The following TMCO5A variants were observed in gnomAD, a reference collection of about 807,000 sequenced individuals.
TMCO5A encodes the protein transmembrane and coiled-coil domains 5A, also known as transmembrane and coiled-coil domain-containing protein 5A.
In TMCO5A, 34 loss-of-function variants were observed where a neutral mutation model predicts 42.3. The ratio of observed to expected loss-of-function variants is 0.80; its 90% confidence interval spans 0.61 to 1.07. The LOEUF (loss-of-function observed/expected upper bound fraction) is 1.07. TMCO5A is among the 50% of genes least tolerant of loss of function. The pLI is 0.00. For synonymous variants in TMCO5A, 131 were observed against 115.6 expected, an observed-to-expected ratio of 1.13 and a Z score of -0.86; for missense variants, 357 against 327.9, an observed-to-expected ratio of 1.09 and a Z score of -0.69.
At chr15:38,026,800 G>A in the TMCO5A span, among the ~76,000 whole-genome samples, 2 of 152,224 alleles carry the variant, frequency 1.3e-5, no homozygotes, top group Admixed American at 6.5e-5. Flanking sequence ...CATCCCAGCT[G>A]CTCCAGCCAT....
At chr15:37,948,013 A>G (rs997748733) in intron 11 of TMCO5A, among the ~76,000 whole-genome samples, 9 of 152,128 alleles carry the variant, frequency 5.9e-5, no homozygotes, top group African/African-American at 1.7e-4. Context: ...CCCTTTAACA[A>G]TTTGGATTAG....
chr15:37,941,282 G>A, intron 7 of TMCO5A, 77 bp downstream of exon 7: 2 of 1,426,586 alleles, frequency 1.4e-6, no homozygotes, highest in Non-Finnish European at 2.0e-6. Flanking sequence ...TATTTCTCAA[G>A]TGATTGATTT....
Position 37,943,338 on chromosome 15 carries a change from T to G in TMCO5A, c.570-3T>G, listed in dbSNP as rs768426821. The G allele has an allele frequency of 9.9e-6, 16 of 1,612,020 alleles. No individual in the cohort carries two copies. Among genetic ancestry groups the G allele is most frequent in the Non-Finnish European group, 1.4e-5 (16 of 1,179,002 alleles). ...ATTTCTGTCCTGGCTGTTATCTTCA[T>G]AGATCAAAACTCGTGAGCATGAACC... is the stretch of plus-strand genomic sequence containing the variant. On this transcript the variant is annotated splice_region_variant and splice_polypyrimidine_tract_variant and intron_variant, in intron 9 of 11. Transcript: ENST00000319669.
At chr15:37,945,389 C>G (rs1303577729) in intron 10 of TMCO5A, among the ~76,000 whole-genome samples, 5 of 151,894 alleles carry the variant, frequency 3.3e-5, no homozygotes, top group Non-Finnish European at 5.9e-5. Context: ...GGGTATATAC[C>G]CAGTAATGAC....
intron 11 of TMCO5A, among the ~76,000 whole-genome samples, chr15:37,958,774 T>C (rs755539393): frequency 1.3e-5 from 2 of 152,138 alleles, no homozygotes; most frequent in Non-Finnish European, 2.9e-5. Flanking sequence ...ACTGGGTATA[T>C]ACCCAATGGA....
the TMCO5A span, among the ~76,000 whole-genome samples, chr15:38,018,252 T>A: frequency 6.6e-6 from 1 of 152,004 alleles, no homozygotes; most frequent in African/African-American, 2.4e-5. Context: ...GTCAACAGGC[T>A]AAGAGAAGGG....
downstream of TMCO5A, among the ~76,000 whole-genome samples, chr15:37,955,492 C>T (rs1890263966): frequency 6.6e-6 from 1 of 151,934 alleles, no homozygotes; most frequent in Non-Finnish European, 1.5e-5. Flanking sequence ...TCAAAAGAGA[C>T]AAAGAAGGGC....
chr15:37,951,249 T>A lies in TMCO5A; in HGVS notation c.*15T>A, dbSNP rs1890148891. The A allele has an allele frequency of 1.9e-6, 3 of 1,611,236 alleles. No homozygotes were observed. Among genetic ancestry groups the A allele is most frequent in the Non-Finnish European group, 2.5e-6 (3 of 1,178,174 alleles). ...TACCCCACTGATTCCCTAAGAAATA[T>A]CCTTGAGCAATAGAAGGGAAGTGGG... On this transcript the variant is annotated 3_prime_UTR_variant, in exon 12 of 12. Coordinates refer to ENST00000319669, the MANE Select transcript of TMCO5A (RefSeq NM_152453.4).
chr15:37,999,723 G>A, the TMCO5A span, among the ~76,000 whole-genome samples: 1 of 151,942 alleles, frequency 6.6e-6, no homozygotes, highest in Non-Finnish European at 1.5e-5. Flanking sequence ...TTTTTTAAGG[G>A]TTTTTTTCAT....
the TMCO5A span, among the ~76,000 whole-genome samples, chr15:38,037,444 A>C: frequency 6.6e-6 from 1 of 152,198 alleles, no homozygotes; most frequent in Non-Finnish European, 1.5e-5. Context: ...AAGCATTTGG[A>C]ATTATGATTG....
intron 11 of TMCO5A, among the ~76,000 whole-genome samples, chr15:37,947,987 T>A (rs887748106): frequency 3.3e-5 from 5 of 152,144 alleles, no homozygotes; most frequent in African/African-American, 1.2e-4. Context: ...GGCAGATCTC[T>A]TATTTACTGC....
At chr15:37,944,721 C>T (rs1000430331) in intron 10 of TMCO5A, among the ~76,000 whole-genome samples, 4 of 152,176 alleles carry the variant, frequency 2.6e-5, no homozygotes, top group African/African-American at 9.6e-5. Context: ...AGGCACCCAC[C>T]ACCATGCCTG....
the TMCO5A span, among the ~76,000 whole-genome samples, chr15:38,029,404 CA>C: frequency 6.8e-6 from 1 of 148,142 alleles, no homozygotes. Flanking sequence ...CACACACACA[CA>C]CTGTGTTTGA....
the TMCO5A span, among the ~76,000 whole-genome samples, chr15:38,024,175 CCTT>C: frequency 6.6e-6 from 1 of 152,288 alleles, no homozygotes; most frequent in African/African-American, 2.4e-5. Flanking sequence ...CCTTTCCACT[CCTT>C]CTACTGCCAC....
At chr15:37,938,347 G>T (rs1357343224) in intron 6 of TMCO5A, 118 bp downstream of exon 6, 13 of 754,802 alleles carry the variant, frequency 1.7e-5, no homozygotes, top group African/African-American at 4.0e-5. Flanking sequence ...TCCATGTCAA[G>T]CTTAAGCTTG....
At chr15:37,999,760 CT>C in the TMCO5A span, among the ~76,000 whole-genome samples, 8 of 151,952 alleles carry the variant, frequency 5.3e-5, no homozygotes, top group Non-Finnish European at 7.4e-5. Context: ...TTATCAAATG[CT>C]TTTTCAGCAT....
At chr15:38,022,229 A>T in the TMCO5A span, among the ~76,000 whole-genome samples, 2 of 152,184 alleles carry the variant, frequency 1.3e-5, no homozygotes, top group Non-Finnish European at 2.9e-5. Flanking sequence ...ATTTATTTTT[A>T]ATTACCAAAA....
the TMCO5A span, among the ~76,000 whole-genome samples, chr15:38,003,534 C>T: frequency 2.6e-5 from 4 of 152,134 alleles, no homozygotes; most frequent in Non-Finnish European, 5.9e-5. Context: ...ATCCAGGAGC[C>T]AGGACCTGGA....
rs749593455 is a variant in TMCO5A at position 37,941,152 on chromosome 15, A to G, written c.391A>G (p.Lys131Glu). The stretch of plus-strand genomic sequence containing the variant: ...CAGTCTCTTTTGCTTTCTTTAGGTT[A>G]AGTTACAACAGCTGGAAGCTTCCTA... ...PDGALEETKV[K>E]LQQLEASYAC... The change falls in exon 7 of 12, where the codon AAG becomes GAG. Residue 131 changes from lysine to glutamate, a missense_variant. Lys to Glu is a moderately conservative substitution (Grantham distance 56). Coordinates refer to ENST00000319669, the MANE Select transcript of TMCO5A (RefSeq NM_152453.4). The G allele has an allele frequency of 1.9e-6, 3 of 1,613,130 alleles. No individual in the cohort carries two copies. In the South Asian group the frequency reaches 3.3e-5, roughly 18 times the overall value.
Sources: allele counts gnomAD v4.1 joint callset (sites outside exome capture counted in the v4.1 genomes callset), GRCh38; gene constraint gnomAD v4.1.1; transcripts MANE v1.5; gene names NCBI Gene and HGNC (gene_info 2026-07-23, HGNC 2026-07-21).